Variants in STPG2 observed in about 807,000 individuals in gnomAD.
STPG2 encodes sperm-tail PG-rich repeat-containing protein 2.
STPG2 carries 56 observed loss-of-function variants against 54.2 expected under a neutral mutation model. The ratio of observed to expected loss-of-function variants is 1.03; its 90% confidence interval spans 0.83 to 1.29. The LOEUF is 1.29. Among genes scored for constraint, STPG2 ranks in the 50% most tolerant of loss-of-function variants. The pLI, the probability that STPG2 is intolerant of heterozygous loss-of-function variation, is 0.00. For synonymous variants in STPG2, 200 were observed against 181.8 expected (o/e 1.10, Z -0.81); for missense variants, 596 against 544.9 (o/e 1.09, Z -0.93).
At chr4:97,984,817 T>C (rs1252244609) in intron 5 of STPG2, among the ~76,000 whole-genome samples, 1 of 53,350 alleles carries the variant, frequency 1.9e-5, no homozygotes, top group African/African-American at 6.6e-5. Context: ...CAACAGTGGC[T>C]AATTTCACAC....
intron 4 of STPG2, among the ~76,000 whole-genome samples, chr4:97,479,234 C>T (rs1173571343): frequency 6.6e-6 from 1 of 151,710 alleles, no homozygotes; most frequent in Non-Finnish European, 1.5e-5. Flanking sequence ...TGCCAATTTG[C>T]CAAATCACTG....
chr4:97,693,132 A>G (rs1030921401), intron 10 of STPG2, among the ~76,000 whole-genome samples: 2 of 133,642 alleles, frequency 1.5e-5, no homozygotes, highest in Admixed American at 7.1e-5. Flanking sequence ...AACAATAACA[A>G]TGATAAAAAA....
At chr4:97,983,731 G>A (rs1448083748) in intron 5 of STPG2, among the ~76,000 whole-genome samples, 1 of 152,132 alleles carries the variant, frequency 6.6e-6, no homozygotes. Context: ...GGCACTTGAT[G>A]TGTCCCTTGC....
intron 8 of STPG2, among the ~76,000 whole-genome samples, chr4:97,860,467 G>GTTTTATTTTATTTTA (rs56308311): frequency 6.3e-4 from 87 of 138,750 alleles, no homozygotes; most frequent in East Asian, 1.2e-3. Flanking sequence ...ATATTCCTAA[G>GTTTTATTTTATTTTA]TTTTATTTTA....
chr4:97,883,356 C>T (rs895725066), intron 8 of STPG2, among the ~76,000 whole-genome samples: 3 of 151,296 alleles, frequency 2.0e-5, no homozygotes, highest in Non-Finnish European at 4.4e-5. Context: ...GCAGTACACT[C>T]CAGCCTAAGT....
intron 10 of STPG2, among the ~76,000 whole-genome samples, chr4:97,697,617 G>T (rs1409156712): frequency 6.6e-6 from 1 of 152,208 alleles, no homozygotes; most frequent in Non-Finnish European, 1.5e-5. Context: ...GGGGGAACTT[G>T]TTGGGAACAG....
intron 8 of STPG2, among the ~76,000 whole-genome samples, chr4:97,854,202 C>G (rs1729257056): frequency 6.6e-6 from 1 of 152,130 alleles, no homozygotes; most frequent in Admixed American, 6.5e-5. Flanking sequence ...GAGTTAATGT[C>G]TACCAGTAGT....
At chr4:97,646,801 T>C (rs1721925147) in intron 10 of STPG2, among the ~76,000 whole-genome samples, 1 of 152,152 alleles carries the variant, frequency 6.6e-6, no homozygotes, top group Non-Finnish European at 1.5e-5. Flanking sequence ...TGGTGTAATA[T>C]TTTGTTTGAC....
chr4:97,660,479 A>G (rs59172540), intron 10 of STPG2, among the ~76,000 whole-genome samples: 18,451 of 152,206 alleles, frequency 0.12, 3,194 homozygotes, highest in African/African-American at 0.39. Flanking sequence ...TAAAGAGGAA[A>G]TGTGATACAT....
intron 8 of STPG2, among the ~76,000 whole-genome samples, chr4:97,880,053 C>T (rs529278707): frequency 2.0e-5 from 3 of 152,258 alleles, no homozygotes; most frequent in Admixed American, 1.3e-4. Context: ...CAACCTACGT[C>T]TCCATCAGTG....
intron 9 of STPG2, among the ~76,000 whole-genome samples, chr4:97,713,682 G>A (rs190515054): frequency 3.9e-5 from 6 of 152,216 alleles, no homozygotes; most frequent in East Asian, 1.9e-4. Flanking sequence ...GAGCTCAGGC[G>A]GTAATACTCA....
intron 10 of STPG2, among the ~76,000 whole-genome samples, chr4:97,648,520 T>C (rs557535139): frequency 6.6e-6 from 1 of 152,296 alleles, no homozygotes; most frequent in Non-Finnish European, 1.5e-5. Context: ...GCTTAAGGTA[T>C]GCTGAACACT....
intron 9 of STPG2, among the ~76,000 whole-genome samples, chr4:97,769,488 A>G (rs1021254256): frequency 1.3e-5 from 2 of 152,078 alleles, no homozygotes; most frequent in African/African-American, 4.8e-5. Flanking sequence ...AGTAAAAGTA[A>G]AAAAAATAGC....
intron 10 of STPG2, among the ~76,000 whole-genome samples, chr4:97,705,561 G>A (rs1309901519): frequency 6.6e-5 from 10 of 151,720 alleles, no homozygotes; most frequent in Non-Finnish European, 1.5e-5. Context: ...CTGGACCTCC[G>A]ATGAGTTGCC....
intron 5 of STPG2, among the ~76,000 whole-genome samples, chr4:98,083,103 T>A (rs889838627): frequency 6.6e-6 from 1 of 152,110 alleles, no homozygotes; most frequent in South Asian, 2.1e-4. Context: ...CCTCCCAATA[T>A]CATCCTGTAC....
intron 7 of STPG2, among the ~76,000 whole-genome samples, chr4:97,949,015 G>A (rs1733360557): frequency 6.6e-6 from 1 of 152,074 alleles, no homozygotes; most frequent in Non-Finnish European, 1.5e-5. Flanking sequence ...GGGTGTTGAA[G>A]TCCCCCACTA....
chr4:97,504,087 T>A (rs1314108692), intron 4 of STPG2, among the ~76,000 whole-genome samples: 1 of 145,710 alleles, frequency 6.9e-6, no homozygotes. Context: ...ATATTTATTT[T>A]ATTTAATATT....
chr4:97,532,252 T>G (rs1027926443), intron 4 of STPG2, among the ~76,000 whole-genome samples: 1 of 152,138 alleles, frequency 6.6e-6, no homozygotes, highest in Non-Finnish European at 1.5e-5. Context: ...CAATATATGT[T>G]TTATATACTT....
In STPG2 at chr4:98,027,111, C is replaced by A. The variant is rs559926144; in HGVS notation, c.613-45793G>T. On this transcript the variant is annotated intron_variant, in intron 5 of 10. Transcript: ENST00000295268. Reference sequence around the variant, plus strand: ...TTCCTTTGAAAATGGCCAATGTTCCCAGGGGAAAGGCAATTCCAAAGACAA... The same window carrying A: ...TTCCTTTGAAAATGGCCAATGTTCCAAGGGGAAAGGCAATTCCAAAGACAA... 2.5e-4 allele frequency among the ~76,000 whole-genome samples: 38 copies of A among 152,222 alleles called. 1 individual carries two copies. Among genetic ancestry groups the A allele is most frequent in the African/African-American group, 8.9e-4 (37 of 41,536 alleles).
Sources: allele counts gnomAD v4.1 joint callset (sites outside exome capture counted in the v4.1 genomes callset), GRCh38; gene constraint gnomAD v4.1.1; transcripts MANE v1.5; gene names NCBI Gene and HGNC (gene_info 2026-07-23, HGNC 2026-07-21).